CDK6: variants seen among roughly 807,000 people sequenced by gnomAD.
CDK6 encodes cyclin-dependent kinase 6.
A neutral mutation model predicts 37.1 loss-of-function variants in CDK6; 6 were observed. That is an observed-to-expected ratio of 0.16 (90% CI 0.09 to 0.32). The LOEUF (loss-of-function observed/expected upper bound fraction) is 0.32, where lower values mean the gene tolerates loss of function less well. Ranked by LOEUF, CDK6 falls within the 10% of genes least tolerant of loss-of-function variation. The probability of loss-of-function intolerance (pLI) is 1.00; values close to 1 mark genes in which losing one functional copy is unlikely to be tolerated. For synonymous variants in CDK6, 160 were observed against 161.3 expected (o/e 0.99, Z 0.06); for missense variants, 224 against 418.9 (o/e 0.53, Z 4.06).
intron 3 of CDK6, among the ~76,000 whole-genome samples, chr7:92,736,987 G>C (rs879847996): frequency 3.9e-5 from 6 of 152,342 alleles, no homozygotes; most frequent in South Asian, 2.1e-4. Context: ...GTTGCACACT[G>C]TGTGATCTTG....
intron 3 of CDK6, among the ~76,000 whole-genome samples, chr7:92,756,297 T>C (rs1799317446): frequency 1.3e-5 from 2 of 152,148 alleles, no homozygotes; most frequent in African/African-American, 4.8e-5. Flanking sequence ...TACAACAAAT[T>C]TGGGAAGCCC....
At chr7:92,734,637 A>C (rs1301640125) in intron 3 of CDK6, among the ~76,000 whole-genome samples, 1 of 152,208 alleles carries the variant, frequency 6.6e-6, no homozygotes, top group Non-Finnish European at 1.5e-5. Flanking sequence ...ATGACCATGA[A>C]ATCTATGAAG....
At chr7:92,715,577 C>A (rs1292303174) in intron 4 of CDK6, among the ~76,000 whole-genome samples, 1 of 152,190 alleles carries the variant, frequency 6.6e-6, no homozygotes, top group South Asian at 2.1e-4. Context: ...GGGTTTCAAT[C>A]CCTAGAGAGG....
intron 2 of CDK6, among the ~76,000 whole-genome samples, chr7:92,807,177 T>A (rs771840673): frequency 1.3e-5 from 2 of 152,198 alleles, no homozygotes; most frequent in Non-Finnish European, 2.9e-5. Context: ...ATTTTTACCC[T>A]TCCATGATAT....
rs1797071633 is a variant in CDK6, at chr7:92,671,548, G to A, written c.538-13C>T. The stretch of plus-strand genomic sequence containing the variant: ...ACAGCGTGACGACCTGCAATGGCAA[G>A]CGGATCCAAGTGTTACTGAGAAGGT... On this transcript the variant is annotated splice_polypyrimidine_tract_variant and intron_variant, in intron 4 of 7. Transcript: ENST00000424848. 6.6e-7 allele frequency: 1 copy of A among 1,518,264 alleles called. No homozygotes were observed. Among genetic ancestry groups the A allele is most frequent in the Non-Finnish European group, 8.9e-7 (1 of 1,125,276 alleles). The allele number at this position is 1,518,264 out of a possible 1,614,324, so 94.0% of individuals were successfully genotyped here.
chr7:92,721,803 T>C (rs1476262570), intron 4 of CDK6, among the ~76,000 whole-genome samples: 2 of 152,222 alleles, frequency 1.3e-5, no homozygotes, highest in Admixed American at 1.3e-4. Context: ...AAGTATATTC[T>C]ACTTATGAAA....
intron 5 of CDK6, among the ~76,000 whole-genome samples, chr7:92,656,751 G>T (rs1479830671): frequency 2.6e-5 from 4 of 152,086 alleles, no homozygotes. Flanking sequence ...AAATGAGATG[G>T]TAAGTTTGCC....
At chr7:92,672,178 C>CACAT (rs1562931137) in intron 4 of CDK6, among the ~76,000 whole-genome samples, 1 of 103,750 alleles carries the variant, frequency 9.6e-6, no homozygotes, top group Non-Finnish European at 1.9e-5. Flanking sequence ...CACACACACA[C>CACAT]ACACAGACAC....
At chr7:92,760,364 T>A (rs1438852657) in intron 3 of CDK6, among the ~76,000 whole-genome samples, 1 of 152,198 alleles carries the variant, frequency 6.6e-6, no homozygotes, top group East Asian at 1.9e-4. Context: ...ATGTACTGAA[T>A]GTTTTTAATG....
At chr7:92,690,436 C>T (rs903670089) in intron 4 of CDK6, among the ~76,000 whole-genome samples, 6 of 152,022 alleles carry the variant, frequency 3.9e-5, no homozygotes, top group Non-Finnish European at 1.5e-5. Flanking sequence ...TGTAGGTGTG[C>T]GGTTTTATTT....
intron 4 of CDK6, among the ~76,000 whole-genome samples, chr7:92,680,227 G>T (rs1233672297): frequency 6.7e-6 from 1 of 150,320 alleles, no homozygotes; most frequent in African/African-American, 2.4e-5. Flanking sequence ...GAGGTTGGGA[G>T]TTCGAGACCA....
At chr7:92,780,074 G>C (rs952090951) in intron 2 of CDK6, among the ~76,000 whole-genome samples, 1 of 152,202 alleles carries the variant, frequency 6.6e-6, no homozygotes, top group Non-Finnish European at 1.5e-5. Flanking sequence ...CTGGGTTCAA[G>C]TGATTCTCCT....
intron 2 of CDK6, among the ~76,000 whole-genome samples, chr7:92,819,429 G>C (rs1400705973): frequency 6.6e-6 from 1 of 152,066 alleles, no homozygotes; most frequent in African/African-American, 2.4e-5. Flanking sequence ...GATAATGCGA[G>C]TATTTTAGAT....
intron 2 of CDK6, among the ~76,000 whole-genome samples, chr7:92,821,571 A>G (rs1562975350): frequency 6.6e-6 from 1 of 152,074 alleles, no homozygotes; most frequent in African/African-American, 2.4e-5. Context: ...ACTCTACTTT[A>G]TTAACAACTT....
chr7:92,621,667 T>C (rs1162781965), intron 6 of CDK6, among the ~76,000 whole-genome samples: 3 of 152,104 alleles, frequency 2.0e-5, no homozygotes, highest in South Asian at 2.1e-4. Context: ...TGGGGAAAAA[T>C]AGATGGGAGT....
chr7:92,660,846 T>C (rs1796819083), intron 5 of CDK6, among the ~76,000 whole-genome samples: 1 of 152,086 alleles, frequency 6.6e-6, no homozygotes, highest in Non-Finnish European at 1.5e-5. Context: ...GCTGGTTAGA[T>C]GGGTTCAGTG....
intron 5 of CDK6, among the ~76,000 whole-genome samples, chr7:92,655,380 GA>G (rs919949542): frequency 6.6e-6 from 1 of 152,082 alleles, no homozygotes; most frequent in African/African-American, 2.4e-5. Context: ...CTAGGTTAGA[GA>G]AAAAAATGAA....
intron 5 of CDK6, among the ~76,000 whole-genome samples, chr7:92,628,149 T>C (rs1795971192): frequency 1.3e-5 from 2 of 152,102 alleles, no homozygotes; most frequent in South Asian, 2.1e-4. Context: ...CAAAAATGTC[T>C]ATGCATGCAA....
In CDK6 at chr7:92,606,083, C is replaced by T; in HGVS notation, c.*9057G>A. The T allele has an allele frequency of 4.3e-6, 1 of 233,644 alleles. No homozygotes were observed. The highest frequency in any genetic ancestry group is 8.5e-6 in the Non-Finnish European group (1 of 118,022). 14.5% of individuals were successfully genotyped at this position (233,644 alleles called of 1,614,324 possible). ...TTAAGGAACATGCACCCTTATAAGT[C>T]TGTACCCTGATATGAAAATAGCAGA... On this transcript the variant is annotated 3_prime_UTR_variant, in exon 8 of 8. Coordinates refer to ENST00000424848, the MANE Select transcript of CDK6 (RefSeq NM_001145306.2).
Sources: gnomAD v4.1 joint callset for allele counts (sites outside exome capture counted in the v4.1 genomes callset) on GRCh38, gnomAD v4.1.1 for gene constraint, MANE v1.5 for transcripts, NCBI Gene and HGNC (gene_info 2026-07-23, HGNC 2026-07-21) for gene names.